DAB2IP: variants seen among roughly 807,000 people sequenced by gnomAD.
The protein encoded by DAB2IP is disabled homolog 2-interacting protein.
DAB2IP carries 28 observed loss-of-function variants against 107.2 expected under a neutral mutation model. That is an observed-to-expected ratio of 0.26 (90% CI 0.19 to 0.36). DAB2IP has a LOEUF of 0.36. DAB2IP is among the 10% of genes least tolerant of loss of function. The pLI is 1.00. For missense variants in DAB2IP, 1,400 were observed against 1,644.7 expected (o/e 0.85, Z 2.57); for synonymous variants, 755 against 706.4 (o/e 1.07, Z -1.09).
exon 9 of DAB2IP, chr9:121,766,677 C>A (rs139420347): frequency 7.4e-5 from 120 of 1,614,022 alleles, no homozygotes; most frequent in Non-Finnish European, 9.6e-5. Context: ...ACCGCACTGC[C>A]CGCACCCTCA....
intron 1 of DAB2IP, among the ~76,000 whole-genome samples, chr9:121,637,047 C>T (rs1009341657): frequency 6.6e-6 from 1 of 152,200 alleles, no homozygotes; most frequent in African/African-American, 2.4e-5. Flanking sequence ...ATGCAGGGCT[C>T]TGCATGAAGC....
intron 3 of DAB2IP, among the ~76,000 whole-genome samples, chr9:121,735,805 G>T (rs1343223928): frequency 2.0e-5 from 3 of 152,212 alleles, no homozygotes; most frequent in Non-Finnish European, 4.4e-5. Flanking sequence ...AAAATACCTG[G>T]TTGGCTGGGT....
At chr9:121,712,010 TAA>T (rs1671880784) in intron 3 of DAB2IP, among the ~76,000 whole-genome samples, 1 of 152,234 alleles carries the variant, frequency 6.6e-6, no homozygotes, top group Non-Finnish European at 1.5e-5. Context: ...GAATAATTAA[TAA>T]AGCTCTGTCC....
chr9:121,612,492 T>G (rs921100916), intron 1 of DAB2IP, among the ~76,000 whole-genome samples: 31 of 152,284 alleles, frequency 2.0e-4, no homozygotes, highest in African/African-American at 7.5e-4. Flanking sequence ...GCTTGAAATT[T>G]ATCTTTTGCA....
chr9:121,663,641 C>T (rs779655089), intron 1 of DAB2IP, among the ~76,000 whole-genome samples: 6 of 152,218 alleles, frequency 3.9e-5, no homozygotes, highest in Non-Finnish European at 8.8e-5. Context: ...AGACAGCAGG[C>T]TATCATAGTT....
intron 1 of DAB2IP, among the ~76,000 whole-genome samples, chr9:121,675,534 C>G (rs973030959): frequency 5.9e-5 from 9 of 152,208 alleles, no homozygotes; most frequent in African/African-American, 2.2e-4. Flanking sequence ...CGGGGGTCTG[C>G]CTCTGGCTAA....
chr9:121,771,700 C>G (rs1030237593), intron 11 of DAB2IP, among the ~76,000 whole-genome samples: 1 of 152,074 alleles, frequency 6.6e-6, no homozygotes, highest in African/African-American at 2.4e-5. Context: ...GCAGCCAGGC[C>G]CCCACTGCTC....
At chr9:121,622,966 A>C (rs1831523662) in intron 1 of DAB2IP, among the ~76,000 whole-genome samples, 1 of 152,180 alleles carries the variant, frequency 6.6e-6, no homozygotes, top group South Asian at 2.1e-4. Context: ...TCAAGGGCAG[A>C]GGCATTCCTG....
chr9:121,603,379 G>C (rs1290713189), intron 1 of DAB2IP, among the ~76,000 whole-genome samples: 1 of 151,686 alleles, frequency 6.6e-6, no homozygotes, highest in Non-Finnish European at 1.5e-5. Context: ...CAGACAGGGT[G>C]CTTGTTCTGC....
intron 8 of DAB2IP, among the ~76,000 whole-genome samples, chr9:121,765,494 G>A (rs1203511814): frequency 2.0e-5 from 3 of 152,230 alleles, no homozygotes; most frequent in Non-Finnish European, 1.5e-5. Flanking sequence ...GCCTGTGGGG[G>A]AAGAAATTTC....
chr9:121,772,804 G>A lies in DAB2IP; in HGVS notation c.2276G>A (p.Gly759Glu). The change falls in exon 12 of 16, where the codon GGG becomes GAG. Residue 759 changes from glycine (G) to glutamate (E), a missense_variant. Coordinates refer to ENST00000408936, the Ensembl canonical transcript of DAB2IP. The surrounding 1 kb of genome is among the most constrained non-coding windows in gnomAD (Gnocchi z 4.7). ...CTCCAGGACGCCCGCACGCTGGATGGGGAGGCAGGCTCCCCGGCGGGCCCC... is the reference window on the plus strand; with the variant it reads ...CTCCAGGACGCCCGCACGCTGGATGAGGAGGCAGGCTCCCCGGCGGGCCCC... 1 of 1,611,806 alleles carries A rather than the reference G, an allele frequency of 6.2e-7. No homozygotes were observed. Among genetic ancestry groups the A allele is most frequent in the Non-Finnish European group, 8.5e-7 (1 of 1,179,486 alleles).
intron 3 of DAB2IP, among the ~76,000 whole-genome samples, chr9:121,710,187 G>C (rs546706791): frequency 6.3e-4 from 96 of 152,338 alleles, no homozygotes; most frequent in African/African-American, 2.3e-3. Context: ...AGAGGTAAAA[G>C]TCACTTGCCC....
rs115409992 is a variant in DAB2IP, at chr9:121,591,720, G to T, written c.40+24492G>T. ...GTCCAGGCAAGAGACCACAGTGTCT[G>T]CACTGGGCTGGAGATAAACATTTGG... On this transcript the variant is annotated intron_variant, in intron 1 of 16. Coordinates refer to the DAB2IP transcript ENST00000259371. 3.7e-3 allele frequency among the ~76,000 whole-genome samples: 568 copies of T among 152,374 alleles called. 3 individuals are homozygous for T. The highest frequency in any genetic ancestry group is 0.013 in the African/African-American group (545 of 41,590).
chr9:121,733,346 G>A (rs528604206), intron 3 of DAB2IP, among the ~76,000 whole-genome samples: 37 of 152,356 alleles, frequency 2.4e-4, no homozygotes, highest in African/African-American at 7.7e-4. Flanking sequence ...ATGTACAGGC[G>A]TTGCCTGGAG....
At chr9:121,640,900 T>A (rs1319205444) in intron 1 of DAB2IP, among the ~76,000 whole-genome samples, 2 of 152,190 alleles carry the variant, frequency 1.3e-5, no homozygotes, top group Non-Finnish European at 2.9e-5. Context: ...GGGGCTGGTT[T>A]GGTAGTGAGC....
At position 121,676,382 on chromosome 9, in the gene DAB2IP, G is replaced by A. The variant is rs74742219; in HGVS notation, c.125-2296G>A. Among the ~76,000 whole-genome samples, 1,420 of 152,316 alleles carry A rather than the reference G, an allele frequency of 9.3e-3. 20 individuals are homozygous for A. The highest frequency in any genetic ancestry group is 0.032 in the African/African-American group (1,335 of 41,554). On this transcript the variant is annotated intron_variant, in intron 1 of 15. Transcript: ENST00000408936. ...GTCCCCTGCTCAGTAGGTACCTGGG[G>A]TGGGTCTGGGAGTGTACACATTGGA...
intron 1 of DAB2IP, among the ~76,000 whole-genome samples, chr9:121,601,229 G>T (rs566989598): frequency 6.6e-5 from 10 of 152,276 alleles, no homozygotes; most frequent in African/African-American, 1.9e-4. Flanking sequence ...TAAATAACCA[G>T]CATGATGGGG....
chr9:121,777,571 G>A (rs1249158445), intron 14 of DAB2IP, among the ~76,000 whole-genome samples: 4 of 152,204 alleles, frequency 2.6e-5, no homozygotes, highest in Non-Finnish European at 5.9e-5. Context: ...TAACACGTTC[G>A]TTTCTACTAA....
chr9:121,761,738 A>G (rs1159101589), intron 6 of DAB2IP, among the ~76,000 whole-genome samples: 1 of 152,158 alleles, frequency 6.6e-6, no homozygotes, highest in Admixed American at 6.5e-5. Flanking sequence ...GCTAGGCTGC[A>G]CGTTGGGCCA....
Sources: gnomAD v4.1 joint callset for allele counts (sites outside exome capture counted in the v4.1 genomes callset) on GRCh38, gnomAD v4.1.1 for gene constraint, Gnocchi (gnomAD v3.1) non-coding constraint, MANE v1.5 for transcripts, NCBI Gene and HGNC (gene_info 2026-07-23, HGNC 2026-07-21) for gene names.